Variants in HTT observed in about 807,000 individuals in gnomAD.
HTT encodes huntingtin.
HTT carries 104 observed loss-of-function variants against 362.3 expected under a neutral mutation model. That is an observed-to-expected ratio of 0.29 (90% CI 0.24 to 0.34). The LOEUF (loss-of-function observed/expected upper bound fraction) is 0.34, where lower values mean the gene tolerates loss of function less well. HTT is among the 10% of genes least tolerant of loss of function. The probability of loss-of-function intolerance (pLI) is 1.00; values close to 1 mark genes in which losing one functional copy is unlikely to be tolerated. For missense variants in HTT, 3,301 were observed against 3,928.6 expected (o/e 0.84, Z 4.27); for synonymous variants, 1,577 against 1,548.7 (o/e 1.02, Z -0.43).
chr4:3,225,138 A>C (rs1720849046), intron 56 of HTT, among the ~76,000 whole-genome samples: 1 of 134,730 alleles, frequency 7.4e-6, no homozygotes, highest in South Asian at 2.6e-4. Flanking sequence ...AGACATGAGG[A>C]GGCTGGCCTG....
At chr4:3,171,206 T>G (rs189946881) in intron 29 of HTT, among the ~76,000 whole-genome samples, 2 of 152,204 alleles carry the variant, frequency 1.3e-5, no homozygotes, top group East Asian at 1.9e-4. Flanking sequence ...GAATATACTT[T>G]GAGCATATCA....
At chr4:3,107,180 G>A in intron 5 of HTT, 105 bp from the exon 6 acceptor site, 2 of 1,153,804 alleles carry the variant, frequency 1.7e-6, no homozygotes, top group South Asian at 2.9e-5. Context: ...TCCCATTAGG[G>A]ACTGTTGGAA....
At chr4:3,186,295 G>A (rs1718753536) in intron 37 of HTT, among the ~76,000 whole-genome samples, 1 of 152,168 alleles carries the variant, frequency 6.6e-6, no homozygotes, top group Non-Finnish European at 1.5e-5. Context: ...GTGTCAGGGT[G>A]CTGCAGTGCT....
rs573239762 is a variant in HTT, at chr4:3,191,670, G to A, written c.5368+2577G>A. 2.0e-5 allele frequency among the ~76,000 whole-genome samples: 3 copies of A among 152,252 alleles called. No individual in the cohort carries two copies. The East Asian group carries it at 5.8e-4, about 29-fold the overall frequency. On this transcript the variant is annotated intron_variant, in intron 40 of 66. Coordinates refer to ENST00000355072, the MANE Select transcript of HTT (RefSeq NM_001388492.1). The stretch of plus-strand genomic sequence containing the variant: ...ACTAAAATCTTCACCTAGCATTGTT[G>A]GGATTATATGGTTACATCATCTGAA...
Position 3,182,443 on chromosome 4 carries a change from C to T in HTT, c.4839C>T (p.Ile1613=). 3 of 1,613,200 alleles carry T rather than the reference C, an allele frequency of 1.9e-6. No individual in the cohort carries two copies. Among genetic ancestry groups the T allele is most frequent in the Non-Finnish European group, 2.5e-6 (3 of 1,179,110 alleles). ...GACTGTCTCGACAGATAGCTGACAT[C>T]ATCCTCCCAATGTTAGCCAAACAGC... ...WKRLSRQIAD[I]ILPMLAKQQM... Residue 1613 remains isoleucine, a synonymous_variant, in exon 37 of 67, where the codon ATC becomes ATT. Transcript: ENST00000355072.
intron 6 of HTT, among the ~76,000 whole-genome samples, chr4:3,114,829 A>C (rs1039948384): frequency 6.6e-6 from 1 of 152,210 alleles, no homozygotes; most frequent in Non-Finnish European, 1.5e-5. Flanking sequence ...TGTGGGTAGT[A>C]TGCGGTCATG....
intron 38 of HTT, 143 bp downstream of exon 38, chr4:3,186,862 G>C (rs1718786648): frequency 1.6e-6 from 1 of 638,906 alleles, no homozygotes; most frequent in Non-Finnish European, 2.4e-6. Flanking sequence ...TTTTTTTTTG[G>C]TGTGGGGGTG....
intron 29 of HTT, among the ~76,000 whole-genome samples, chr4:3,164,864 A>T (rs1307567664): frequency 2.0e-5 from 3 of 151,864 alleles, no homozygotes; most frequent in Non-Finnish European, 4.4e-5. Flanking sequence ...ATGGGTCTTG[A>T]CTCTTTATCC....
rs1175775989 is a variant in HTT, at chr4:3,222,450, A to G, written c.7433A>G (p.Gln2478Arg). ...WATLLGVLVTQPLVMEQEESP... is the reference protein window; with the variant it reads ...WATLLGVLVTRPLVMEQEESP... ...ACCCTCCTTGGTGTCCTGGTGACGCAGCCCCTCGTGATGGAGCAGGAGGAG... is the reference window on the plus strand; with the variant it reads ...ACCCTCCTTGGTGTCCTGGTGACGCGGCCCCTCGTGATGGAGCAGGAGGAG... Residue 2478 changes from glutamine to arginine, a missense_variant, in exon 54 of 67, where the codon CAG becomes CGG. By Grantham distance (43) the Gln-to-Arg change is conservative. Around this residue, in one of 4 missense-constraint regions of HTT, gnomAD observed 753 missense variants for 1,021.3 expected, o/e 0.74. Transcript: ENST00000355072. 2 of 1,614,048 alleles carry G rather than the reference A, an allele frequency of 1.2e-6. No individual in the cohort carries two copies. Among genetic ancestry groups the G allele is most frequent in the Admixed American group, 3.3e-5 (2 of 60,010 alleles).
At chr4:3,128,461 C>T (rs567207133) in intron 12 of HTT, 1 of 152,190 alleles carries the variant, frequency 6.6e-6, no homozygotes, top group East Asian at 1.9e-4. Flanking sequence ...AAATTGAGTG[C>T]ATTTTACATT....
At chr4:3,197,378 G>A (rs1490027780) in intron 40 of HTT, among the ~76,000 whole-genome samples, 1 of 151,824 alleles carries the variant, frequency 6.6e-6, no homozygotes, top group Non-Finnish European at 1.5e-5. Context: ...CACTCTCCAG[G>A]GCCTCTTCTT....
Position 3,153,651 on chromosome 4 carries a change from G to A in HTT, c.3499-642G>A, listed in dbSNP as rs551611897. Among the ~76,000 whole-genome samples the A allele has an allele frequency of 3.9e-5, 6 of 152,236 alleles. No individual in the cohort carries two copies. The South Asian group carries it at 1.2e-3, about 32-fold the overall frequency. On this transcript the variant is annotated intron_variant, in intron 26 of 66. Coordinates refer to ENST00000355072, the MANE Select transcript of HTT (RefSeq NM_001388492.1). ...TAAAATGCTGCTTTGGGTTGGGCACGGTGGCTCATGCCTGTAATTCCAGCA... is the reference window on the plus strand; with the variant it reads ...TAAAATGCTGCTTTGGGTTGGGCACAGTGGCTCATGCCTGTAATTCCAGCA...
chr4:3,174,449 G>A (rs976559032), intron 31 of HTT, among the ~76,000 whole-genome samples: 5 of 152,210 alleles, frequency 3.3e-5, no homozygotes, highest in African/African-American at 1.2e-4. Context: ...TGAGTAGTCA[G>A]TTTCCTGTAG....
Position 3,180,662 on chromosome 4 carries a change from T to A in HTT, c.4749+11T>A, listed in dbSNP as rs1718470019. ...ATCCAGTACCATCAGGTAAGAGGAA[T>A]GTATGTTGGAACTGTCGTGGATACT... On this transcript the variant is annotated intron_variant, in intron 36 of 66. Coordinates refer to ENST00000355072, the MANE Select transcript of HTT (RefSeq NM_001388492.1). 6.2e-7 allele frequency: 1 copy of A among 1,610,034 alleles called. No homozygotes were observed. Among genetic ancestry groups the A allele is most frequent in the Non-Finnish European group, 8.5e-7 (1 of 1,178,314 alleles).
At chr4:3,129,524 G>A (rs1275799846) in intron 12 of HTT, 1 of 175,156 alleles carries the variant, frequency 5.7e-6, no homozygotes, top group Non-Finnish European at 1.2e-5. Context: ...AAATTTAGTA[G>A]ATTTAGTCTT....
Position 3,207,338 on chromosome 4 carries a change from A to G in HTT, c.6133A>G (p.Ser2045Gly), listed in dbSNP as rs1206177643. 1 of 1,613,584 alleles carries G rather than the reference A, an allele frequency of 6.2e-7. No individual in the cohort carries two copies. The highest frequency in any genetic ancestry group is 1.7e-5 in the Admixed American group (1 of 59,956). ...ELNRIQEYLQ[S>G]SGLAQRHQRL... ...CAACAGAATCCAGGAATACCTTCAG[A>G]GCAGCGGGCTCGCTCAGAGGTAATG... The change falls in exon 45 of 67, where the codon AGC becomes GGC. Residue 2045 changes from serine (S) to glycine (G), a missense_variant. Transcript: ENST00000355072.
chr4:3,210,068 G>T, intron 47 of HTT, 119 bp downstream of exon 47: 2 of 1,267,602 alleles, frequency 1.6e-6, no homozygotes, highest in Non-Finnish European at 2.2e-6. Context: ...CTCCAGTCTG[G>T]GCAGGGACGG....
At chr4:3,179,213 C>T (rs1299830315) in intron 35 of HTT, among the ~76,000 whole-genome samples, 1 of 152,140 alleles carries the variant, frequency 6.6e-6, no homozygotes, top group African/African-American at 2.4e-5. Context: ...CGAGGCAGGG[C>T]CTTGGCTGAC....
Position 3,210,911 on chromosome 4 carries a change from T to TTTTTTTTTTTTG in HTT, c.6414+970_6414+971insTTTGTTTTTTTT, listed in dbSNP as rs1720124985. On this transcript the variant is annotated intron_variant, in intron 47 of 66. Transcript: ENST00000355072. ...TTTACTAAAATTGTTTATCTTTTTTTTTTTTTTTGAGACAAAGTCTCGCTG... is the reference window on the plus strand; with the variant it reads ...TTTACTAAAATTGTTTATCTTTTTTTTTTTTTTTTTTGTTTTTTTTGAGACAAAGTCTCGCTG... 1.4e-5 allele frequency among the ~76,000 whole-genome samples: 2 copies of TTTTTTTTTTTTG among 146,926 alleles called. 1 individual carries two copies. The highest frequency in any genetic ancestry group is 5.1e-5 in the African/African-American group (2 of 39,172).
Sources: gnomAD v4.1 joint callset for allele counts (sites outside exome capture counted in the v4.1 genomes callset) on GRCh38, gnomAD v4.1.1 for gene constraint, gnomAD v4.1.1 regional missense constraint, MANE v1.5 for transcripts, NCBI Gene and HGNC (gene_info 2026-07-23, HGNC 2026-07-21) for gene names.